MYO16: variants seen among roughly 807,000 people sequenced by gnomAD.
The protein encoded by MYO16 is myosin XVI.
MYO16 carries 94 observed loss-of-function variants against 205.3 expected under a neutral mutation model. The observed-to-expected ratio is 0.46, with a 90% confidence interval of 0.39 to 0.54. MYO16 has a LOEUF of 0.54. Ranked by LOEUF, MYO16 falls within the 20% of genes least tolerant of loss-of-function variation. The pLI, the probability that MYO16 is intolerant of heterozygous loss-of-function variation, is 0.00. For missense variants in MYO16, 2,315 were observed against 2,387.5 expected (o/e 0.97, Z 0.63); for synonymous variants, 988 against 954.0 (o/e 1.04, Z -0.66).
the MYO16 span, among the ~76,000 whole-genome samples, chr13:108,588,694 G>T: frequency 6.6e-6 from 1 of 152,076 alleles, no homozygotes; most frequent in African/African-American, 2.4e-5. Flanking sequence ...ATGGTGAATT[G>T]GATATGAAAG....
chr13:108,553,882 C>T, the MYO16 span, among the ~76,000 whole-genome samples: 9 of 152,130 alleles, frequency 5.9e-5, no homozygotes, highest in East Asian at 5.8e-4. Flanking sequence ...CTTCTGCTGC[C>T]GATGCGAGTG....
chr13:108,551,721 T>C, the MYO16 span, among the ~76,000 whole-genome samples: 3 of 152,130 alleles, frequency 2.0e-5, no homozygotes, highest in Non-Finnish European at 4.4e-5. Flanking sequence ...CCTTTCATGA[T>C]TTAATCCATA....
chr13:108,807,161 G>A (rs866305839), intron 7 of MYO16, among the ~76,000 whole-genome samples: 5 of 151,986 alleles, frequency 3.3e-5, no homozygotes, highest in African/African-American at 1.2e-4. Flanking sequence ...TTTATTCATC[G>A]CAATAGTAGG....
chr13:108,555,391 A>T, the MYO16 span, among the ~76,000 whole-genome samples: 1 of 152,358 alleles, frequency 6.6e-6, no homozygotes, highest in East Asian at 1.9e-4. Context: ...TGGAGCCAAC[A>T]TCATAAAGGT....
At chr13:108,914,415 A>C (rs1881399214) in intron 16 of MYO16, among the ~76,000 whole-genome samples, 1 of 152,096 alleles carries the variant, frequency 6.6e-6, no homozygotes, top group Non-Finnish European at 1.5e-5. Flanking sequence ...CTTATCCCAC[A>C]GTGTAGCTTT....
intron 10 of MYO16, among the ~76,000 whole-genome samples, chr13:108,848,675 C>T (rs539849279): frequency 3.0e-4 from 46 of 152,080 alleles, no homozygotes; most frequent in Non-Finnish European, 5.1e-4. Flanking sequence ...TGGCGCAGGG[C>T]CTGGTGGCAC....
intron 2 of MYO16, among the ~76,000 whole-genome samples, chr13:108,708,845 G>A (rs144573300): frequency 6.6e-6 from 1 of 152,280 alleles, no homozygotes; most frequent in African/African-American, 2.4e-5. Context: ...GGACTATTGT[G>A]ATTGGTTATT....
At chr13:109,097,247 T>G (rs1442792577) in intron 27 of MYO16, among the ~76,000 whole-genome samples, 1 of 152,154 alleles carries the variant, frequency 6.6e-6, no homozygotes, top group Non-Finnish European at 1.5e-5. Flanking sequence ...GAAAATTGTT[T>G]GAACCCAGGA....
chr13:109,096,960 C>T (rs1178720539), intron 27 of MYO16, among the ~76,000 whole-genome samples: 2 of 152,176 alleles, frequency 1.3e-5, no homozygotes, highest in Non-Finnish European at 2.9e-5. Context: ...CATTTGAACA[C>T]ATTGTACAGT....
chr13:108,873,564 G>A (rs1336337022), intron 12 of MYO16, among the ~76,000 whole-genome samples: 1 of 152,246 alleles, frequency 6.6e-6, no homozygotes, highest in Non-Finnish European at 1.5e-5. Context: ...GTCACAGCGG[G>A]CGAGTCAGCA....
chr13:108,917,499 AT>A (rs1361069807), intron 16 of MYO16, among the ~76,000 whole-genome samples: 2 of 152,242 alleles, frequency 1.3e-5, no homozygotes, highest in Non-Finnish European at 2.9e-5. Flanking sequence ...AGCACTCTCT[AT>A]TAGTAACTCT....
rs79704885 is a variant in MYO16, at chr13:109,100,040, C to G, written c.3336-745C>G. On this transcript the variant is annotated intron_variant, in intron 27 of 34. Coordinates refer to ENST00000457511, the MANE Select transcript of MYO16 (RefSeq NM_001198950.3). Reference sequence around the variant, plus strand: ...GGATGCAACTGCATAGATCTTTGCTCATTTCCTTTCTGGTTTTCTCCTCTT... The same window carrying G: ...GGATGCAACTGCATAGATCTTTGCTGATTTCCTTTCTGGTTTTCTCCTCTT... 5.2e-4 allele frequency among the ~76,000 whole-genome samples: 79 copies of G among 152,352 alleles called. No individual in the cohort carries two copies. The East Asian group carries it at 0.013, about 26-fold the overall frequency.
Position 109,040,377 on chromosome 13 carries a change from C to G in MYO16, c.2797-6539C>G, listed in dbSNP as rs1382342651. Among the ~76,000 whole-genome samples the G allele has an allele frequency of 1.2e-4, 9 of 77,554 alleles. No individual in the cohort carries two copies. In the East Asian group the frequency reaches 9.0e-3, roughly 77 times the overall value. The allele number at this position is 77,554 out of a possible 152,430, so 50.9% of individuals were successfully genotyped here. On this transcript the variant is annotated intron_variant, in intron 23 of 34. Transcript: ENST00000457511. ...ACAGTAGCATACACACACACACACA[C>G]ACACACACAGAGAGAGAGAGAGAGA...
chr13:108,834,250 A>T (rs1423343901), intron 9 of MYO16, among the ~76,000 whole-genome samples: 3 of 152,112 alleles, frequency 2.0e-5, no homozygotes, highest in Non-Finnish European at 4.4e-5. Flanking sequence ...GACTTTCATC[A>T]AGGTGATTAA....
chr13:109,176,999 A>G (rs1428279332), intron 33 of MYO16, among the ~76,000 whole-genome samples: 4 of 152,236 alleles, frequency 2.6e-5, no homozygotes, highest in African/African-American at 9.6e-5. Flanking sequence ...GGAAGTCTGC[A>G]GTGCTACCTA....
upstream of MYO16, among the ~76,000 whole-genome samples, chr13:108,594,888 C>T (rs8002124): frequency 0.67 from 102,498 of 152,020 alleles, 35,052 homozygotes; most frequent in Non-Finnish European, 0.73. Flanking sequence ...CTCTTCTAAA[C>T]AGAAGTTTCT....
chr13:108,567,195 A>T, the MYO16 span, among the ~76,000 whole-genome samples: 8 of 152,280 alleles, frequency 5.3e-5, no homozygotes, highest in African/African-American at 1.9e-4. Flanking sequence ...CTCGGAGATA[A>T]CGAAGTAAAT....
At position 109,206,942 on chromosome 13, in the gene MYO16, T is replaced by A; in HGVS notation, c.*106T>A. On this transcript the variant is annotated 3_prime_UTR_variant, in exon 35 of 35. Transcript: ENST00000457511. ...GCGCTGGGGCTTCTCTCCACGCATT[T>A]AGACAAAAAAAGCACAGGACACAGA... The A allele has an allele frequency of 2.1e-6, 2 of 963,998 alleles. No individual in the cohort carries two copies. Among genetic ancestry groups the A allele is most frequent in the Admixed American group, 2.5e-5 (1 of 40,750 alleles). The allele number at this position is 963,998 out of a possible 1,614,324, so 59.7% of individuals were successfully genotyped here.
intron 4 of MYO16, among the ~76,000 whole-genome samples, chr13:108,783,170 C>A (rs1044130690): frequency 6.6e-6 from 1 of 152,136 alleles, no homozygotes; most frequent in East Asian, 1.9e-4. Context: ...GGAGGCTGAA[C>A]CCTGCAAAGC....
Sources: gnomAD v4.1 joint callset for allele counts (sites outside exome capture counted in the v4.1 genomes callset) on GRCh38, gnomAD v4.1.1 for gene constraint, MANE v1.5 for transcripts, NCBI Gene and HGNC (gene_info 2026-07-23, HGNC 2026-07-21) for gene names.